Variants in ALKBH7 observed in about 807,000 individuals in gnomAD.
ALKBH7 encodes the protein RNA demethylase ALKBH7, mitochondrial.
ALKBH7 carries 21 observed loss-of-function variants against 19.3 expected under a neutral mutation model. The ratio of observed to expected loss-of-function variants is 1.09; its 90% CI spans 0.77 to 1.56. The LOEUF is 1.56. Ranked by LOEUF, ALKBH7 falls within the 40% of genes most tolerant of loss-of-function variation. The pLI, the probability that ALKBH7 is intolerant of heterozygous loss-of-function variation, is 0.00. For missense variants in ALKBH7, 354 were observed against 311.4 expected, an observed-to-expected ratio of 1.14 and a Z score of -1.03; for synonymous variants, 147 against 139.5, an observed-to-expected ratio of 1.05 and a Z score of -0.38.
rs776240071 is a variant in ALKBH7 at position 6,374,491 on chromosome 19, G to T, written c.405G>T (p.Leu135=). Residue 135 remains leucine, a synonymous_variant, in exon 3 of 4, where the codon CTG becomes CTT. Coordinates refer to ENST00000245812, the MANE Select transcript of ALKBH7 (RefSeq NM_032306.4). ...IKFCGATIAG[L]SLLSPSVMRL... is the part of the protein sequence containing the mutation. ...TCTGCGGGGCCACCATCGCCGGCCTGTCTCTCCTGTCTCCCAGCGTTATGC... is the reference window on the plus strand; with the variant it reads ...TCTGCGGGGCCACCATCGCCGGCCTTTCTCTCCTGTCTCCCAGCGTTATGC... 2.5e-6 allele frequency: 4 copies of T among 1,613,908 alleles called. No homozygotes were observed. In the Admixed American group the frequency reaches 6.7e-5, roughly 27 times the overall value.
rs779269341 is a variant in ALKBH7 at position 6,374,279 on chromosome 19, C to T, written c.281C>T (p.Ala94Val). 2.0e-5 allele frequency: 32 copies of T among 1,613,036 alleles called. No homozygotes were observed. The highest frequency in any genetic ancestry group is 1.6e-4 in the Middle Eastern group (1 of 6,074). ...CGGGCCATCCTGCAGCGCGTGCAGG[C>T]GGCCGCCTTTGGCCCCGGCCAGACC... ...ASRAILQRVQ[A>V]AAFGPGQTLL... Residue 94 changes from alanine (A) to valine (V), a missense_variant, in exon 2 of 4, where the codon GCG becomes GTG. Coordinates refer to ENST00000245812, the MANE Select transcript of ALKBH7 (RefSeq NM_032306.4).
Position 6,374,447 on chromosome 19 carries a change from C to T in ALKBH7, c.379-18C>T. Reference sequence around the variant, plus strand: ...AGGCCCGGTTAGATCCTGACCCATCCCCACGCCTCTTTTGCAGTTCTGCGG... The same window carrying T: ...AGGCCCGGTTAGATCCTGACCCATCTCCACGCCTCTTTTGCAGTTCTGCGG... On this transcript the variant is annotated intron_variant, in intron 2 of 3. Coordinates refer to ENST00000245812, the MANE Select transcript of ALKBH7 (RefSeq NM_032306.4). The T allele has an allele frequency of 6.2e-7, 1 of 1,612,534 alleles. No homozygotes were observed. The highest frequency in any genetic ancestry group is 8.5e-7 in the Non-Finnish European group (1 of 1,179,288).
Position 6,374,535 on chromosome 19 carries a change from A to C in ALKBH7, c.449A>C (p.Glu150Ala), listed in dbSNP as rs1446417078. The change falls in exon 3 of 4, where the codon GAG becomes GCG. Residue 150 changes from glutamate (E) to alanine (A), a missense_variant. By Grantham distance (107) the Glu-to-Ala change is moderately radical. Transcript: ENST00000245812. ...GTTATGCGGCTGGTGCACACCCAGG[A>C]GCCGGGGGAGTGGCTGGAACTCTTG... ...PSVMRLVHTQ[E>A]PGEWLELLLE... is the part of the protein sequence containing the mutation. The C allele has an allele frequency of 1.9e-6, 3 of 1,613,866 alleles. No homozygotes were observed. Among genetic ancestry groups the C allele is most frequent in the Non-Finnish European group, 2.5e-6 (3 of 1,179,944 alleles).
rs753596012 is a variant in ALKBH7, at chr19:6,372,951, A to C, written c.131A>C (p.Glu44Ala). 6.4e-7 allele frequency: 1 copy of C among 1,573,758 alleles called. No individual in the cohort carries two copies. The highest frequency in any genetic ancestry group is 1.8e-5 in the Admixed American group (1 of 54,076). Reference protein sequence around the residue: ...VVRPGFLSTAEEETLSRELEP... With the variant: ...VVRPGFLSTAAEETLSRELEP... ...CGGCCTGGCTTCCTGAGCACGGCAG[A>C]GGAGGAGACGCTGAGCCGAGAACTG... is the stretch of plus-strand genomic sequence containing the variant. The change falls in exon 1 of 4, where the codon GAG becomes GCG. Residue 44 changes from glutamate (E) to alanine (A), a missense_variant. Coordinates refer to ENST00000245812, the MANE Select transcript of ALKBH7 (RefSeq NM_032306.4).
At chr19:6,373,782 G>T in intron 1 of ALKBH7, 1 of 1,288,718 alleles carries the variant, frequency 7.8e-7, no homozygotes, top group Non-Finnish European at 9.8e-7. Context: ...GCTATGGTGG[G>T]GGCTGGGCTG....
Position 6,372,802 on chromosome 19 carries a change from A to C in ALKBH7, c.-19A>C. On this transcript the variant is annotated 5_prime_UTR_variant, in exon 1 of 4. The change abolishes an upstream ATG in the 5' untranslated region. Transcript: ENST00000245812. ...GCGTTCCCCAACCCTGCCCTCTCTCATGACCCCGCTCCGGGATTATGGCCG... is the reference window on the plus strand; with the variant it reads ...GCGTTCCCCAACCCTGCCCTCTCTCCTGACCCCGCTCCGGGATTATGGCCG... The C allele has an allele frequency of 6.5e-7, 1 of 1,536,242 alleles. No individual in the cohort carries two copies. The highest frequency in any genetic ancestry group is 8.7e-7 in the Non-Finnish European group (1 of 1,146,852).
At chr19:6,373,094 C>T in intron 1 of ALKBH7, 70 bp downstream of exon 1, 1 of 1,495,816 alleles carries the variant, frequency 6.7e-7, no homozygotes, top group East Asian at 2.5e-5. Flanking sequence ...CGTGGAGCAT[C>T]AGATGGGGCG....
Position 6,374,269 on chromosome 19 carries a change from C to G in ALKBH7, c.271C>G (p.Arg91Gly), listed in dbSNP as rs199888358. ...WSEASRAILQ[R>G]VQAAAFGPGQ... Reference sequence around the variant, plus strand: ...AGAAGCCAGCCGGGCCATCCTGCAGCGCGTGCAGGCGGCCGCCTTTGGCCC... The same window carrying G: ...AGAAGCCAGCCGGGCCATCCTGCAGGGCGTGCAGGCGGCCGCCTTTGGCCC... Residue 91 changes from arginine (R) to glycine (G), a missense_variant, in exon 2 of 4, where the codon CGC becomes GGC. Arg to Gly is a moderately radical substitution (Grantham distance 125, BLOSUM62 -2). Transcript: ENST00000245812. The G allele has an allele frequency of 6.2e-7, 1 of 1,613,286 alleles. No homozygotes were observed. Among genetic ancestry groups the G allele is most frequent in the Admixed American group, 1.7e-5 (1 of 59,848 alleles).
chr19:6,372,824 G>C lies in ALKBH7; in HGVS notation c.4G>C (p.Ala2Pro), dbSNP rs1266464875. ...CTCATGACCCCGCTCCGGGATTATG[G>C]CCGGGACTGGGCTGCTGGCGCTGCG... Reference protein sequence around the residue: MAGTGLLALRTL... With the variant: MPGTGLLALRTL... The change falls in exon 1 of 4, where the codon GCC (alanine) becomes CCC (proline). Residue 2 changes from alanine (A) to proline (P), a missense_variant. Physicochemically the swap from Ala to Pro is conservative, Grantham distance 27 (BLOSUM62 -1). Coordinates refer to ENST00000245812, the MANE Select transcript of ALKBH7 (RefSeq NM_032306.4). The C allele has an allele frequency of 2.6e-6, 4 of 1,543,512 alleles. No individual in the cohort carries two copies. Among genetic ancestry groups the C allele is most frequent in the Non-Finnish European group, 3.5e-6 (4 of 1,148,730 alleles).
chr19:6,373,724 G>T (rs975697521), intron 1 of ALKBH7: 7 of 1,266,858 alleles, frequency 5.5e-6, no homozygotes, highest in Non-Finnish European at 6.9e-6. Context: ...CTGGGATGGG[G>T]CAGGGCCTTT....
chr19:6,374,466 T>G lies in ALKBH7; in HGVS notation c.380T>G (p.Phe127Cys), dbSNP rs2091910365. ...YIKPHVDSIK[F>C]CGATIAGLSL... The stretch of plus-strand genomic sequence containing the variant: ...CCCATCCCCACGCCTCTTTTGCAGT[T>G]CTGCGGGGCCACCATCGCCGGCCTG... The change falls in exon 3 of 4, where the codon TTC (phenylalanine) becomes TGC (cysteine). Residue 127 changes from phenylalanine (F) to cysteine (C), a missense_variant and splice_region_variant. Physicochemically the swap from Phe to Cys is radical, Grantham distance 205. Transcript: ENST00000245812. 6.2e-7 allele frequency: 1 copy of G among 1,613,518 alleles called. No individual in the cohort carries two copies. Among genetic ancestry groups the G allele is most frequent in the African/African-American group, 1.3e-5 (1 of 74,906 alleles).
In ALKBH7 at chr19:6,375,024, C is replaced by G. The variant is rs749912060; in HGVS notation, c.*51C>G. 1.9e-6 allele frequency: 3 copies of G among 1,538,660 alleles called. No individual in the cohort carries two copies. The highest frequency in any genetic ancestry group is 2.7e-5 in the African/African-American group (2 of 73,228). On this transcript the variant is annotated 3_prime_UTR_variant, in exon 4 of 4. Coordinates refer to ENST00000245812, the MANE Select transcript of ALKBH7 (RefSeq NM_032306.4). ...TTTGTGAATAAAGTTGGGGAATGGA[C>G]AGCCTAACTGGGACATTGCAGTGGC...
At chr19:6,373,082 G>T in intron 1 of ALKBH7, 58 bp downstream of exon 1, 2 of 1,514,164 alleles carry the variant, frequency 1.3e-6, no homozygotes, top group Non-Finnish European at 1.8e-6. Flanking sequence ...GCGGCCTGGG[G>T]ACGTGGAGCA....
At position 6,372,969 on chromosome 19, in the gene ALKBH7, G is replaced by A. The variant is rs1248888360; in HGVS notation, c.149G>A (p.Arg50Gln). 8.2e-6 allele frequency: 13 copies of A among 1,576,678 alleles called. No individual in the cohort carries two copies. Among genetic ancestry groups the A allele is most frequent in the South Asian group, 1.2e-5 (1 of 86,602 alleles). Residue 50 changes from arginine to glutamine, a missense_variant, in exon 1 of 4, where the codon CGA becomes CAA. By Grantham distance (43) the Arg-to-Gln change is conservative. Transcript: ENST00000245812. ...ACGGCAGAGGAGGAGACGCTGAGCC[G>A]AGAACTGGAGCCCGAGCTGCGCCGC... ...LSTAEEETLS[R>Q]ELEPELRRRR...
intron 1 of ALKBH7, among the ~76,000 whole-genome samples, 197 bp downstream of exon 1, chr19:6,373,221 C>T (rs1218482206): frequency 7.8e-5 from 2 of 25,750 alleles, no homozygotes; most frequent in East Asian, 9.2e-4. Flanking sequence ...AGCGTGGGGG[C>T]GGGGCTACGG....
chr19:6,374,747 C>T (rs2091912607), intron 3 of ALKBH7, 64 bp from the exon 4 acceptor site: 2 of 1,594,262 alleles, frequency 1.3e-6, no homozygotes, highest in Admixed American at 1.7e-5. Flanking sequence ...AGGCTGGAAT[C>T]CAGGTCTGCC....
chr19:6,374,958 G>A lies in ALKBH7; in HGVS notation c.651G>A (p.Pro217=), dbSNP rs374354467. 139 of 1,597,052 alleles carry A rather than the reference G, an allele frequency of 8.7e-5. No individual in the cohort carries two copies. Among genetic ancestry groups the A allele is most frequent in the Non-Finnish European group, 1.1e-4 (131 of 1,169,276 alleles). The part of the protein sequence containing the change: ...EGMGPGESGQ[P]PPAC ...TGGGGCCAGGGGAGTCTGGACAGCC[G>A]CCCCCAGCCTGCTGACCCCCAGCTT... The change falls in exon 4 of 4, where the codon CCG becomes CCA. Residue 217 remains proline (P), a synonymous_variant. Coordinates refer to ENST00000245812, the MANE Select transcript of ALKBH7 (RefSeq NM_032306.4).
At chr19:6,374,738 G>T (rs1328303790) in intron 3 of ALKBH7, 73 bp from the exon 4 acceptor site, 1 of 1,592,162 alleles carries the variant, frequency 6.3e-7, no homozygotes, top group African/African-American at 1.3e-5. Context: ...GAATCCAGGA[G>T]GCTGGAATCC....
At chr19:6,373,157 A>T (rs935233021) in intron 1 of ALKBH7, 133 bp downstream of exon 1, 12 of 1,211,174 alleles carry the variant, frequency 9.9e-6, no homozygotes, top group South Asian at 3.1e-5. Context: ...GGGACAGAGG[A>T]GACGAGCGCC....
Sources: gnomAD v4.1 joint callset for allele counts (sites outside exome capture counted in the v4.1 genomes callset) on GRCh38, gnomAD v4.1.1 for gene constraint, MANE v1.5 for transcripts, NCBI Gene and HGNC (gene_info 2026-07-23, HGNC 2026-07-21) for gene names.